RNF187: variants seen among roughly 807,000 people sequenced by gnomAD.
RNF187 encodes ring finger protein 187.
In RNF187, 18 loss-of-function variants were observed where a neutral mutation model predicts 22.2. The ratio of observed to expected loss-of-function variants is 0.81; its 90% CI spans 0.56 to 1.20. The LOEUF (loss-of-function observed/expected upper bound fraction) is 1.20, where lower values mean the gene tolerates loss of function less well. Among genes scored for constraint, RNF187 ranks in the 50% most tolerant of loss-of-function variants. RNF187 has a pLI of 0.00. For missense variants in RNF187, 329 were observed against 317.6 expected, an observed-to-expected ratio of 1.04 and a Z score of -0.27; for synonymous variants, 164 against 140.9, an observed-to-expected ratio of 1.16 and a Z score of -1.16.
intron 2 of RNF187, among the ~76,000 whole-genome samples, chr1:228,491,746 A>G: frequency 6.6e-6 from 1 of 152,078 alleles, no homozygotes; most frequent in Non-Finnish European, 1.5e-5. Context: ...AGCCAGGCAT[A>G]TTAATTTAAC....
At position 228,495,851 on chromosome 1, in the gene RNF187, A is replaced by G; in HGVS notation, c.*1966A>G. 1.4e-6 allele frequency: 1 copy of G among 710,052 alleles called. No individual in the cohort carries two copies. The highest frequency in any genetic ancestry group is 1.7e-6 in the Non-Finnish European group (1 of 578,756). 44.0% of individuals were successfully genotyped at this position (710,052 alleles called of 1,614,324 possible). On this transcript the variant is annotated 3_prime_UTR_variant, in exon 4 of 4. Coordinates refer to ENST00000305943, the MANE Select transcript of RNF187 (RefSeq NM_001010858.3). ...TTTTTTGGTGGTGAGAATATTTGAA[A>G]TCTACACTCAGCAATTTCAAATACA...
Position 228,494,973 on chromosome 1 carries a change from C to G in RNF187, c.*1088C>G. On this transcript the variant is annotated 3_prime_UTR_variant, in exon 4 of 4. Coordinates refer to ENST00000305943, the MANE Select transcript of RNF187 (RefSeq NM_001010858.3). ...TGAATAAAGTGGGTTTGTGTCAGCT[C>G]GTTTGCTTCGTCTCCGTGTGTCCAC... 1 of 985,562 alleles carries G rather than the reference C, an allele frequency of 1.0e-6. No individual in the cohort carries two copies. Among genetic ancestry groups the G allele is most frequent in the Non-Finnish European group, 1.2e-6 (1 of 830,048 alleles). The allele number at this position is 985,562 out of a possible 1,614,324, so 61.1% of individuals were successfully genotyped here. A position where few individuals can be genotyped will look rare whatever the true frequency, so the allele number is the denominator to read the frequency against.
In RNF187 at chr1:228,487,730, CGCCCGCGCGCGACGGCCCGGCCAGCGAG is replaced by C; in HGVS notation, c.246_273del (p.Ala83ArgfsTer48). 1 of 1,028,906 alleles carries C rather than the reference CGCCCGCGCGCGACGGCCCGGCCAGCGAG, an allele frequency of 9.7e-7. No individual in the cohort carries two copies. 63.7% of individuals were successfully genotyped at this position (1,028,906 alleles called of 1,614,324 possible). A position where few individuals can be genotyped will look rare whatever the true frequency, so the allele number is the denominator to read the frequency against. ...CTGGCGCTCGAGGAGGCGGCCGCGG[CGCCCGCGCGCGACGGCCCGGCCAGCGAG>C]GCCGCGCTGCAGCTGCTGTGCCGCG... On this transcript the variant is annotated frameshift_variant, in exon 1 of 4. Coordinates refer to ENST00000305943, the MANE Select transcript of RNF187 (RefSeq NM_001010858.3). LOFTEE classifies it high-confidence loss of function.
At position 228,493,878 on chromosome 1, in the gene RNF187, T is replaced by C; in HGVS notation, c.706-5T>C. The C allele has an allele frequency of 3.2e-6, 5 of 1,551,584 alleles. No homozygotes were observed. The highest frequency in any genetic ancestry group is 4.4e-6 in the Non-Finnish European group (5 of 1,146,976). On this transcript the variant is annotated splice_polypyrimidine_tract_variant and splice_region_variant and intron_variant, in intron 3 of 3. Coordinates refer to ENST00000305943, the MANE Select transcript of RNF187 (RefSeq NM_001010858.3). This position sits in a 1 kb window ranked among gnomAD's most constrained non-coding sequence, Gnocchi z 4.7. Reference sequence around the variant, plus strand: ...CTCTGTCTTTCCCTCTCCCCTCCCATGCAGTGATGGCGCCAACCCGTGGCA... The same window carrying C: ...CTCTGTCTTTCCCTCTCCCCTCCCACGCAGTGATGGCGCCAACCCGTGGCA...
chr1:228,491,387 CAAAA>C lies in RNF187; in HGVS notation c.484-1647_484-1644del. Among the ~76,000 whole-genome samples, 11 of 75,556 alleles carry C rather than the reference CAAAA, an allele frequency of 1.5e-4. No individual in the cohort carries two copies. The East Asian group carries it at 2.2e-3, about 15-fold the overall frequency. The allele number at this position is 75,556 out of a possible 152,430, so 49.6% of individuals were successfully genotyped here. A position where few individuals can be genotyped will look rare whatever the true frequency, so the allele number is the denominator to read the frequency against. On this transcript the variant is annotated intron_variant, in intron 2 of 3. Coordinates refer to ENST00000305943, the MANE Select transcript of RNF187 (RefSeq NM_001010858.3). ...TGGGTGACAGAGTGAGGCCCTATCT[CAAAA>C]AAAAAAAAAAAAAAAAAATAAAGGG...
chr1:228,489,173 A>AG, intron 2 of RNF187, 121 bp downstream of exon 2: 1 of 725,356 alleles, frequency 1.4e-6, no homozygotes, highest in South Asian at 1.7e-5. Flanking sequence ...TGGTTGGAGG[A>AG]GGGGCCTCTG....
Position 228,493,152 on chromosome 1 carries a change from A to G in RNF187, c.583A>G (p.Lys195Glu), listed in dbSNP as rs1176087874. The G allele has an allele frequency of 3.2e-6, 5 of 1,551,520 alleles. No homozygotes were observed. Among genetic ancestry groups the G allele is most frequent in the Non-Finnish European group, 4.4e-6 (5 of 1,146,980 alleles). Residue 195 changes from lysine (K) to glutamate (E), a missense_variant, in exon 3 of 4, where the codon AAG becomes GAG. Physicochemically the swap from Lys to Glu is moderately conservative, Grantham distance 56. Transcript: ENST00000305943. This position sits in a 1 kb window ranked among gnomAD's most constrained non-coding sequence, Gnocchi z 4.7. ...GGAGCATTTCCTGCAGGAGGCTGAG[A>G]AGGAGGAGGGGCTCCCTGAGGACGA...
chr1:228,487,590 G>A lies in RNF187; in HGVS notation c.102G>A (p.Ala34=), dbSNP rs1262855531. 1.6e-6 allele frequency: 2 copies of A among 1,272,778 alleles called. No individual in the cohort carries two copies. The highest frequency in any genetic ancestry group is 1.7e-5 in the South Asian group (1 of 57,992). The allele number at this position is 1,272,778 out of a possible 1,614,324, so 78.8% of individuals were successfully genotyped here. ...ACTGCGGCCACCGCTTCTGTCGGGC[G>A]TGCGTGGTGCGCTTCTGGGCCGAGG... Residue 34 remains alanine, a synonymous_variant, in exon 1 of 4, where the codon GCG becomes GCA. Transcript: ENST00000305943.
At chr1:228,490,318 C>T in intron 2 of RNF187, among the ~76,000 whole-genome samples, 1 of 152,190 alleles carries the variant, frequency 6.6e-6, no homozygotes, top group Non-Finnish European at 1.5e-5. Flanking sequence ...TCCCTGATGC[C>T]ACTCAGACCC....
rs1334416161 is a variant in RNF187 at position 228,487,470 on chromosome 1, G to T, written c.-19G>T. The T allele has an allele frequency of 2.7e-6, 3 of 1,109,476 alleles. No individual in the cohort carries two copies. The African/African-American group carries it at 5.0e-5, about 18-fold the overall frequency. The allele number at this position is 1,109,476 out of a possible 1,614,324, so 68.7% of individuals were successfully genotyped here. On this transcript the variant is annotated 5_prime_UTR_variant, in exon 1 of 4. Coordinates refer to ENST00000305943, the MANE Select transcript of RNF187 (RefSeq NM_001010858.3). Reference sequence around the variant, plus strand: ...CCCCAGCCGCTCCTGCGCCCTTGCCGGCCCCGCCGCCCGCAGCCCTGGCGC... The same window carrying T: ...CCCCAGCCGCTCCTGCGCCCTTGCCTGCCCCGCCGCCCGCAGCCCTGGCGC...
chr1:228,492,979 A>T, intron 2 of RNF187, 74 bp from the exon 3 acceptor site: 3 of 1,453,740 alleles, frequency 2.1e-6, no homozygotes, highest in Non-Finnish European at 2.8e-6. Context: ...TAACTCCTTC[A>T]AGAGCAAACA....
chr1:228,491,470 T>A, intron 2 of RNF187, among the ~76,000 whole-genome samples: 2 of 151,518 alleles, frequency 1.3e-5, no homozygotes, highest in African/African-American at 4.9e-5. Flanking sequence ...AGATGGAGTC[T>A]TGCTCTGTTG....
chr1:228,493,141 A>C lies in RNF187; in HGVS notation c.572A>C (p.Gln191Pro). The C allele has an allele frequency of 6.4e-7, 1 of 1,551,730 alleles. No individual in the cohort carries two copies. The highest frequency in any genetic ancestry group is 8.7e-7 in the Non-Finnish European group (1 of 1,146,986). ...GTGGAGGAGGAGGAGCATTTCCTGC[A>C]GGAGGCTGAGAAGGAGGAGGGGCTC... is the stretch of plus-strand genomic sequence containing the variant. Residue 191 changes from glutamine to proline, a missense_variant, in exon 3 of 4, where the codon CAG becomes CCG. By Grantham distance (76) the Gln-to-Pro change is moderately conservative. Transcript: ENST00000305943. The surrounding 1 kb of genome is among the most constrained non-coding windows in gnomAD (Gnocchi z 4.7).
chr1:228,490,729 G>A lies in RNF187; in HGVS notation c.483+1677G>A. Among the ~76,000 whole-genome samples the A allele has an allele frequency of 2.0e-5, 3 of 152,250 alleles. No individual in the cohort carries two copies. The South Asian group carries it at 6.2e-4, about 31-fold the overall frequency. ...CCATCCATGACTGAGTAAAATCAGA[G>A]TAGCATCCTGCTCTGCTCTCCTGTT... On this transcript the variant is annotated intron_variant, in intron 2 of 3. Transcript: ENST00000305943.
chr1:228,487,398 T>A lies in RNF187; in HGVS notation c.-91T>A, dbSNP rs1658856176. On this transcript the variant is annotated 5_prime_UTR_variant, in exon 1 of 4. Transcript: ENST00000305943. ...GTCCCCGGCGTTGGCGTCTTCGTCC[T>A]GTTGCTGGTCTCCGTCCGGTCGCCG... is the stretch of plus-strand genomic sequence containing the variant. 2 of 1,042,260 alleles carry A rather than the reference T, an allele frequency of 1.9e-6. No homozygotes were observed. Among genetic ancestry groups the A allele is most frequent in the Non-Finnish European group, 2.3e-6 (2 of 869,922 alleles). The allele number at this position is 1,042,260 out of a possible 1,614,324, so 64.6% of individuals were successfully genotyped here. A position where few individuals can be genotyped will look rare whatever the true frequency, so the allele number is the denominator to read the frequency against.
In RNF187 at chr1:228,493,274, G is replaced by A; in HGVS notation, c.705G>A (p.Gln235=). 6.5e-7 allele frequency: 1 copy of A among 1,549,210 alleles called. No individual in the cohort carries two copies. The highest frequency in any genetic ancestry group is 8.7e-7 in the Non-Finnish European group (1 of 1,146,458). The change falls in exon 3 of 4, where the codon CAG becomes CAA. Residue 235 remains glutamine (Q), a splice_region_variant and synonymous_variant. Coordinates refer to ENST00000305943, the MANE Select transcript of RNF187 (RefSeq NM_001010858.3). The surrounding 1 kb of genome is among the most constrained non-coding windows in gnomAD (Gnocchi z 4.7). ...ACCTGGGCCTCAGCATGCTGCTGCA[G>A]GTGCGGGAGCCCCGCTGGGTCTGCC...
At position 228,495,120 on chromosome 1, in the gene RNF187, C is replaced by G; in HGVS notation, c.*1235C>G. ...CATTGAGATGGGTGTGGGACCCTTTCCTTGGGGCCTGGGGGGAGATGGGGC... is the reference window on the plus strand; with the variant it reads ...CATTGAGATGGGTGTGGGACCCTTTGCTTGGGGCCTGGGGGGAGATGGGGC... On this transcript the variant is annotated 3_prime_UTR_variant, in exon 4 of 4. Transcript: ENST00000305943. 1 of 823,650 alleles carries G rather than the reference C, an allele frequency of 1.2e-6. No homozygotes were observed. Among genetic ancestry groups the G allele is most frequent in the Non-Finnish European group, 1.5e-6 (1 of 682,248 alleles). 51.0% of individuals were successfully genotyped at this position (823,650 alleles called of 1,614,324 possible).
intron 2 of RNF187, among the ~76,000 whole-genome samples, chr1:228,492,661 T>A: frequency 1.6e-5 from 2 of 128,544 alleles, no homozygotes; most frequent in African/African-American, 6.1e-5. Context: ...AGTCTCGCTC[T>A]GTCGCCCAGG....
chr1:228,487,547 G>T lies in RNF187; in HGVS notation c.59G>T (p.Arg20Leu). 6.5e-6 allele frequency: 8 copies of T among 1,230,702 alleles called. No homozygotes were observed. The highest frequency in any genetic ancestry group is 7.2e-6 in the Non-Finnish European group (7 of 977,778). The allele number at this position is 1,230,702 out of a possible 1,614,324, so 76.2% of individuals were successfully genotyped here. ...TGCGCCCTGTGCCAGCGCGCGCCCC[G>T]GGAACCGGTGCGCGCCGACTGCGGC... The change falls in exon 1 of 4, where the codon CGG becomes CTG. Residue 20 changes from arginine to leucine, a missense_variant. Physicochemically the swap from Arg to Leu is moderately radical, Grantham distance 102. Transcript: ENST00000305943.
Sources: gnomAD v4.1 joint callset for allele counts (sites outside exome capture counted in the v4.1 genomes callset) on GRCh38, gnomAD v4.1.1 for gene constraint, Gnocchi (gnomAD v3.1) non-coding constraint, MANE v1.5 for transcripts, NCBI Gene and HGNC (gene_info 2026-07-23, HGNC 2026-07-21) for gene names.